The following MDH1B variants were observed in gnomAD, a reference collection of about 807,000 sequenced individuals.
The protein encoded by MDH1B is malate dehydrogenase 1B.
MDH1B carries 60 observed loss-of-function variants against 61.4 expected under a neutral mutation model. That is an observed-to-expected ratio of 0.98 (90% confidence interval 0.79 to 1.21). MDH1B has a LOEUF of 1.21. MDH1B is among the 50% of genes most tolerant of loss of function. The probability of loss-of-function intolerance (pLI) is 0.00; values close to 1 mark genes in which losing one functional copy is unlikely to be tolerated. For synonymous variants in MDH1B, 236 were observed against 218.7 expected, an observed-to-expected ratio of 1.08 and a Z score of -0.70; for missense variants, 587 against 632.1, an observed-to-expected ratio of 0.93 and a Z score of 0.76.
In MDH1B at chr2:206,750,881, T is replaced by G. The variant is rs1270005557; in HGVS notation, c.1052+53A>C. ...GAGATGATTTAAAAGATTACAACCA[T>G]TAAACATTTATTTTAACATTGTCAG... On this transcript the variant is annotated intron_variant, in intron 6 of 11. Coordinates refer to ENST00000374412, the MANE Select transcript of MDH1B (RefSeq NM_001039845.3). The G allele has an allele frequency of 3.5e-6, 5 of 1,418,684 alleles. No individual in the cohort carries two copies. The East Asian group carries it at 1.2e-4, about 34-fold the overall frequency. The allele number at this position is 1,418,684 out of a possible 1,614,324, so 87.9% of individuals were successfully genotyped here. A position where few individuals can be genotyped will look rare whatever the true frequency, so the allele number is the denominator to read the frequency against.
At chr2:206,747,257 G>C (rs1226156528) in intron 7 of MDH1B, among the ~76,000 whole-genome samples, 1 of 152,168 alleles carries the variant, frequency 6.6e-6, no homozygotes, top group African/African-American at 2.4e-5. Flanking sequence ...AGGTCCTCAA[G>C]TAATGCTGTA....
intron 7 of MDH1B, 112 bp from the exon 8 acceptor site, chr2:206,746,538 T>C: frequency 1.4e-5 from 16 of 1,162,250 alleles, no homozygotes; most frequent in Non-Finnish European, 1.8e-5. Context: ...TTAATGATAA[T>C]GATGGAATTA....
chr2:206,743,316 G>A (rs1202082666), intron 9 of MDH1B, among the ~76,000 whole-genome samples: 1 of 152,190 alleles, frequency 6.6e-6, no homozygotes, highest in African/African-American at 2.4e-5. Flanking sequence ...ATCTGACAGT[G>A]TAGAACAGTC....
chr2:206,749,462 A>T (rs1413270648), intron 6 of MDH1B, among the ~76,000 whole-genome samples: 1 of 152,202 alleles, frequency 6.6e-6, no homozygotes, highest in Non-Finnish European at 1.5e-5. Flanking sequence ...GGCAAGAACC[A>T]TTATTTTCAT....
chr2:206,757,983 G>A (rs1014463903), intron 2 of MDH1B, among the ~76,000 whole-genome samples: 2 of 152,104 alleles, frequency 1.3e-5, no homozygotes, highest in East Asian at 1.9e-4. Flanking sequence ...TAAAAACCAC[G>A]TCATTGGAGG....
At position 206,741,003 on chromosome 2, in the gene MDH1B, G is replaced by A. The variant is rs1388182480; in HGVS notation, c.1459+51C>T. On this transcript the variant is annotated intron_variant, in intron 10 of 11. Transcript: ENST00000374412. ...TTATTCTCTAACAACTGGACAATAT[G>A]AGTCACGACTATTAGCAATATAGAC... 3 of 1,609,302 alleles carry A rather than the reference G, an allele frequency of 1.9e-6. No homozygotes were observed. In the South Asian group the frequency reaches 3.3e-5, roughly 18 times the overall value.
In MDH1B at chr2:206,755,523, C is replaced by A. The variant is rs911280368; in HGVS notation, c.414-18G>T. 2 of 1,597,956 alleles carry A rather than the reference C, an allele frequency of 1.3e-6. No individual in the cohort carries two copies. Among genetic ancestry groups the A allele is most frequent in the South Asian group, 1.1e-5 (1 of 87,598 alleles). On this transcript the variant is annotated intron_variant, in intron 4 of 11. Coordinates refer to ENST00000374412, the MANE Select transcript of MDH1B (RefSeq NM_001039845.3). The stretch of plus-strand genomic sequence containing the variant: ...CAGAGGCACTGATAAAAATGCAAAG[C>A]CGCATTGTGAATAGTTATATCCTTT...
chr2:206,739,260 T>C (rs1446165992), intron 11 of MDH1B, among the ~76,000 whole-genome samples: 1 of 151,686 alleles, frequency 6.6e-6, no homozygotes, highest in Non-Finnish European at 1.5e-5. Flanking sequence ...ACAAAAAAAA[T>C]TAAAAATTAG....
intron 7 of MDH1B, among the ~76,000 whole-genome samples, chr2:206,748,689 C>A (rs1688265093): frequency 6.6e-6 from 1 of 152,182 alleles, no homozygotes; most frequent in Admixed American, 6.5e-5. Flanking sequence ...CTGCTTCCTG[C>A]CTAGAATTGA....
At chr2:206,763,217 C>A (rs1228332122) in intron 1 of MDH1B, among the ~76,000 whole-genome samples, 1 of 150,246 alleles carries the variant, frequency 6.7e-6, no homozygotes, top group African/African-American at 2.5e-5. Context: ...TAAGAGTATC[C>A]AGAGTATTAA....
chr2:206,762,698 C>T (rs952242), intron 1 of MDH1B, among the ~76,000 whole-genome samples: 54,707 of 151,982 alleles, frequency 0.36, 11,696 homozygotes, highest in East Asian at 0.76. Context: ...TTATTTCTCA[C>T]CCACTGCAAT....
Position 206,755,203 on chromosome 2 carries a change from T to C in MDH1B, c.716A>G (p.Tyr239Cys), listed in dbSNP as rs771831725. The C allele has an allele frequency of 6.8e-6, 11 of 1,614,000 alleles. No homozygotes were observed. The highest frequency in any genetic ancestry group is 4.4e-5 in the South Asian group (4 of 91,090). The change falls in exon 5 of 12, where the codon TAT (tyrosine) becomes TGT (cysteine). Residue 239 changes from tyrosine (Y) to cysteine (C), a missense_variant. Transcript: ENST00000374412. ...AGCATTTTTCTCTATCAGGTACCCA[T>C]AGAGCCTGCAGAGAGGCACCCTGCT... ...LRSRVPLCRL[Y>C]GYLIEKNAHE...
At chr2:206,751,233 G>T (rs1046235030) in intron 5 of MDH1B, among the ~76,000 whole-genome samples, 158 bp from the exon 6 acceptor site, 1 of 152,172 alleles carries the variant, frequency 6.6e-6, no homozygotes, top group African/African-American at 2.4e-5. Flanking sequence ...TGTGCAAATT[G>T]TGTGGATCAC....
intron 10 of MDH1B, among the ~76,000 whole-genome samples, chr2:206,739,862 A>G (rs1240158294): frequency 6.6e-6 from 1 of 152,158 alleles, no homozygotes; most frequent in Non-Finnish European, 1.5e-5. Flanking sequence ...TGAGTGGACA[A>G]TATGAACAAG....
intron 9 of MDH1B, among the ~76,000 whole-genome samples, chr2:206,741,575 A>C (rs1687812551): frequency 6.6e-6 from 1 of 152,170 alleles, no homozygotes; most frequent in African/African-American, 2.4e-5. Flanking sequence ...TCCTGCCCTC[A>C]AACATTGGAC....
chr2:206,747,719 G>A (rs1688198127), intron 7 of MDH1B, among the ~76,000 whole-genome samples: 2 of 152,160 alleles, frequency 1.3e-5, no homozygotes, highest in African/African-American at 4.8e-5. Context: ...TGCTATGTGG[G>A]GATACGGAGG....
chr2:206,765,137 C>T (rs1345779529), intron 1 of MDH1B, 113 bp downstream of exon 1: 1 of 1,343,294 alleles, frequency 7.4e-7, no homozygotes, highest in Non-Finnish European at 1.0e-6. Flanking sequence ...TTGAATAAAT[C>T]TATAGCAAAG....
rs780867576 is a variant in MDH1B at position 206,760,958 on chromosome 2, T to C, written c.78A>G (p.Gln26=). Residue 26 remains glutamine, a synonymous_variant, in exon 2 of 12, where the codon CAA becomes CAG. Coordinates refer to ENST00000374412, the MANE Select transcript of MDH1B (RefSeq NM_001039845.3). ...GTATCCGAAAATCAGGAAGATTCTT[T>C]TGTAAATAGTCTGCCACAAGTTCTG... ...AKTELVADYL[Q]KNLPDFRIHK... 3.1e-6 allele frequency: 5 copies of C among 1,613,238 alleles called. No homozygotes were observed. The highest frequency in any genetic ancestry group is 4.2e-6 in the Non-Finnish European group (5 of 1,179,368).
chr2:206,762,043 A>T (rs1280593723), intron 1 of MDH1B, among the ~76,000 whole-genome samples: 1 of 152,122 alleles, frequency 6.6e-6, no homozygotes, highest in East Asian at 1.9e-4. Flanking sequence ...AGCCACCACT[A>T]CAGAAACATT....
Sources: allele counts gnomAD v4.1 joint callset (sites outside exome capture counted in the v4.1 genomes callset), GRCh38; gene constraint gnomAD v4.1.1; transcripts MANE v1.5; gene names NCBI Gene and HGNC (gene_info 2026-07-23, HGNC 2026-07-21).